The following BTBD2 variants were observed in gnomAD, a reference collection of about 807,000 sequenced individuals.
BTBD2 encodes the protein BTB/POZ domain-containing protein 2.
In BTBD2, 15 loss-of-function variants were observed where a neutral mutation model predicts 44.0. The ratio of observed to expected loss-of-function variants is 0.34; its 90% CI spans 0.23 to 0.53. The LOEUF is 0.53. BTBD2 is among the 20% of genes least tolerant of loss of function. The pLI is 0.95. For missense variants in BTBD2, 657 were observed against 746.4 expected, an observed-to-expected ratio of 0.88 and a Z score of 1.39; for synonymous variants, 443 against 335.9, an observed-to-expected ratio of 1.32 and a Z score of -3.49.
At chr19:1,997,810 TCA>T (rs1437669445) in intron 1 of BTBD2, among the ~76,000 whole-genome samples, 2 of 152,230 alleles carry the variant, frequency 1.3e-5, no homozygotes. Context: ...ACGTGTTCAT[TCA>T]CACATGCATT....
At chr19:1,987,287 AC>A in intron 6 of BTBD2, 34 bp from the exon 7 acceptor site, 3 of 1,604,056 alleles carry the variant, frequency 1.9e-6, no homozygotes, top group Non-Finnish European at 2.6e-6. Flanking sequence ...CAGCGTGGAT[AC>A]CCAGGGATAG....
chr19:1,989,948 G>GC lies in BTBD2; in HGVS notation c.988+55dup, dbSNP rs375829429. ...GGGGCACTATCCTCGGTACCCAGAT[G>GC]CCCACCTGTGTGCCACTCCCCTCCC... On this transcript the variant is annotated intron_variant, in intron 5 of 8. Coordinates refer to ENST00000255608, the MANE Select transcript of BTBD2 (RefSeq NM_017797.4). 6.9e-6 allele frequency: 11 copies of GC among 1,588,496 alleles called. No homozygotes were observed. In the African/African-American group the frequency reaches 1.3e-4, roughly 19 times the overall value.
intron 1 of BTBD2, chr19:2,014,745 T>A (rs910297087): frequency 7.0e-6 from 1 of 142,804 alleles, no homozygotes; most frequent in Non-Finnish European, 1.5e-5. Flanking sequence ...AGTTGGAGGG[T>A]CCCAGGAACG....
chr19:2,010,981 T>C (rs1189748432), intron 1 of BTBD2, among the ~76,000 whole-genome samples: 3 of 152,108 alleles, frequency 2.0e-5, no homozygotes, highest in Admixed American at 2.0e-4. Context: ...CCTGTGGCTG[T>C]CAGCAACCCA....
At chr19:1,998,272 G>A (rs2016278192) in intron 1 of BTBD2, among the ~76,000 whole-genome samples, 1 of 152,210 alleles carries the variant, frequency 6.6e-6, no homozygotes, top group African/African-American at 2.4e-5. Context: ...GAGGGAGACA[G>A]ACGAGGACCA....
rs570069139 is a variant in BTBD2, at chr19:2,000,184, T to G, written c.408-2721A>C. On this transcript the variant is annotated intron_variant, in intron 1 of 8. Transcript: ENST00000255608. ...CGGGACTGGCAGAGGATGAACCCAC[T>G]GAGTTTGACCCCCCCAGTGTGTGGG... Among the ~76,000 whole-genome samples the G allele has an allele frequency of 1.6e-4, 24 of 152,102 alleles. 1 individual carries two copies. The South Asian group carries it at 2.1e-3, about 13-fold the overall frequency.
chr19:2,004,586 C>T lies in BTBD2; in HGVS notation c.408-7123G>A, dbSNP rs557026499. Among the ~76,000 whole-genome samples the T allele has an allele frequency of 5.3e-5, 8 of 151,106 alleles. No homozygotes were observed. The East Asian group carries it at 1.4e-3, about 26-fold the overall frequency. On this transcript the variant is annotated intron_variant, in intron 1 of 8. Coordinates refer to ENST00000255608, the MANE Select transcript of BTBD2 (RefSeq NM_017797.4). The stretch of plus-strand genomic sequence containing the variant: ...TGCTGGGATTACAGGCGTGAGCCAC[C>T]GCCCCCGGCCAGGCAAAATAAACTT...
intron 1 of BTBD2, among the ~76,000 whole-genome samples, chr19:1,999,273 G>C (rs535663388): frequency 6.6e-6 from 1 of 152,218 alleles, no homozygotes; most frequent in African/African-American, 2.4e-5. Context: ...CCGAACCTCG[G>C]AATGCGAGGC....
chr19:1,997,253 G>A (rs2016263029), intron 2 of BTBD2, 91 bp downstream of exon 2: 2 of 1,556,512 alleles, frequency 1.3e-6, no homozygotes, highest in East Asian at 4.5e-5. Context: ...CCAAGCCAGG[G>A]CCTCTGAGCT....
intron 2 of BTBD2, among the ~76,000 whole-genome samples, chr19:1,995,192 C>G (rs2016233906): frequency 6.6e-6 from 1 of 151,786 alleles, no homozygotes; most frequent in South Asian, 2.1e-4. Flanking sequence ...GTCTCCAACT[C>G]CTGACCTCAG....
intron 7 of BTBD2, 94 bp downstream of exon 7, chr19:1,987,072 G>C (rs1184587699): frequency 5.6e-6 from 9 of 1,593,200 alleles, no homozygotes; most frequent in Non-Finnish European, 7.7e-6. Flanking sequence ...GGGCAGCACA[G>C]GGACCAGGGC....
chr19:1,999,319 A>G (rs1257809381), intron 1 of BTBD2, among the ~76,000 whole-genome samples: 1 of 152,228 alleles, frequency 6.6e-6, no homozygotes, highest in African/African-American at 2.4e-5. Context: ...TCCGTGAGTC[A>G]GGACGAAGGC....
rs931307069 is a variant in BTBD2 at position 1,987,035 on chromosome 19, G to T, written c.1270-59C>A. The stretch of plus-strand genomic sequence containing the variant: ...TGGGGAGGGCCAACGGGGACCCCTC[G>T]AGGCCCAGCCCACCTGCCCAGGGTG... On this transcript the variant is annotated intron_variant, in intron 7 of 8. Transcript: ENST00000255608. 3.1e-6 allele frequency: 5 copies of T among 1,595,358 alleles called. No homozygotes were observed. In the African/African-American group the frequency reaches 5.4e-5, roughly 17 times the overall value.
chr19:1,995,161 T>A (rs920094816), intron 2 of BTBD2, among the ~76,000 whole-genome samples: 2 of 151,966 alleles, frequency 1.3e-5, no homozygotes, highest in African/African-American at 4.8e-5. Flanking sequence ...GAGATGGGGT[T>A]TTGCCTTGTT....
Position 1,990,175 on chromosome 19 carries a change from C to G in BTBD2, c.817G>C (p.Asp273His), listed in dbSNP as rs141214800. The G allele has an allele frequency of 1.9e-6, 3 of 1,606,514 alleles. No individual in the cohort carries two copies. The highest frequency in any genetic ancestry group is 2.5e-6 in the Non-Finnish European group (3 of 1,177,328). Residue 273 changes from aspartate (D) to histidine (H), a missense_variant, in exon 5 of 9, where the codon GAC (aspartate) becomes CAC (histidine). Physicochemically the swap from Asp to His is moderately conservative, Grantham distance 81. Around this residue, in one of 3 missense-constraint regions of BTBD2, gnomAD observed 449 missense variants for 510.9 expected, o/e 0.88. Coordinates refer to ENST00000255608, the MANE Select transcript of BTBD2 (RefSeq NM_017797.4). ...LDTLVAVLER[D>H]TLGIREVRLF... ...CGCACCTCACGGATGCCCAGTGTGT[C>G]GCGCTCCAGGACAGCCACCAGCGTG...
intron 1 of BTBD2, among the ~76,000 whole-genome samples, chr19:2,008,726 G>A (rs2016426274): frequency 6.6e-6 from 1 of 151,522 alleles, no homozygotes; most frequent in South Asian, 2.1e-4. Flanking sequence ...TGAGTAGCAG[G>A]GACCACAGGC....
intron 2 of BTBD2, among the ~76,000 whole-genome samples, chr19:1,995,777 C>T (rs764180488): frequency 2.2e-4 from 33 of 151,804 alleles, no homozygotes; most frequent in Non-Finnish European, 3.4e-4. Context: ...GCTGCGACTA[C>T]GGGCGTCCGC....
chr19:2,012,161 T>TG (rs1399374321), intron 1 of BTBD2, among the ~76,000 whole-genome samples: 1 of 123,760 alleles, frequency 8.1e-6, no homozygotes, highest in East Asian at 2.6e-4. Flanking sequence ...GCCTGTCCTT[T>TG]ATTTTTTTTG....
intron 1 of BTBD2, among the ~76,000 whole-genome samples, chr19:2,003,739 C>T (rs1346489320): frequency 1.3e-5 from 2 of 150,242 alleles, no homozygotes; most frequent in African/African-American, 4.9e-5. Flanking sequence ...CCATTGCACT[C>T]CAGCCTGGGC....
Sources: allele counts gnomAD v4.1 joint callset (sites outside exome capture counted in the v4.1 genomes callset), GRCh38; gene constraint gnomAD v4.1.1; regional missense constraint gnomAD v4.1.1; transcripts MANE v1.5; gene names NCBI Gene and HGNC (gene_info 2026-07-23, HGNC 2026-07-21).